The following AHI1 variants were observed in gnomAD, a reference collection of about 807,000 sequenced individuals.
The protein encoded by AHI1 is Abelson helper integration site 1.
In AHI1, 123 loss-of-function variants were observed where a neutral mutation model predicts 149.3. That is an observed-to-expected ratio of 0.82 (90% CI 0.71 to 0.96). The LOEUF (loss-of-function observed/expected upper bound fraction) is 0.96. AHI1 is among the 40% of genes least tolerant of loss of function. The probability of loss-of-function intolerance (pLI) is 0.00; values close to 1 mark genes in which losing one functional copy is unlikely to be tolerated. For missense variants in AHI1, 1,439 were observed against 1,422.7 expected, an observed-to-expected ratio of 1.01 and a Z score of -0.18; for synonymous variants, 475 against 459.8, an observed-to-expected ratio of 1.03 and a Z score of -0.42.
At chr6:135,433,401 A>G in intron 15 of AHI1, 145 bp from the exon 16 acceptor site, 1 of 602,212 alleles carries the variant, frequency 1.7e-6, no homozygotes, top group Non-Finnish European at 2.9e-6. Flanking sequence ...ACAATGAAAA[A>G]TATAATGATG....
At position 135,302,714 on chromosome 6, in the gene AHI1, A is replaced by G. The variant is rs960834466; in HGVS notation, c.3427-2156T>C. On this transcript the variant is annotated intron_variant, in intron 26 of 28. Coordinates refer to ENST00000265602, the MANE Select transcript of AHI1 (RefSeq NM_001134831.2). Reference sequence around the variant, plus strand: ...GACTTCCAAACACCTTTACTCACTCATTCCTTGGTCTCAGCAGCAGCACGT... The same window carrying G: ...GACTTCCAAACACCTTTACTCACTCGTTCCTTGGTCTCAGCAGCAGCACGT... 7.9e-6 allele frequency: 10 copies of G among 1,261,108 alleles called. No individual in the cohort carries two copies. In the African/African-American group the frequency reaches 1.4e-4, roughly 18 times the overall value. The allele number at this position is 1,261,108 out of a possible 1,614,324, so 78.1% of individuals were successfully genotyped here. A position where few individuals can be genotyped will look rare whatever the true frequency, so the allele number is the denominator to read the frequency against.
chr6:135,299,585 G>A (rs1783591912), intron 27 of AHI1, among the ~76,000 whole-genome samples: 1 of 152,080 alleles, frequency 6.6e-6, no homozygotes, highest in Non-Finnish European at 1.5e-5. Context: ...ATAATGTTAG[G>A]TCCAAAAGAT....
chr6:135,287,798 TA>T (rs1397612838), intron 28 of AHI1, among the ~76,000 whole-genome samples: 1 of 150,780 alleles, frequency 6.6e-6, no homozygotes, highest in Non-Finnish European at 1.5e-5. Context: ...ATAAGATTCA[TA>T]AAAATACCGG....
chr6:135,327,917 T>A (rs936694620), intron 24 of AHI1, among the ~76,000 whole-genome samples: 1 of 152,242 alleles, frequency 6.6e-6, no homozygotes, highest in Non-Finnish European at 1.5e-5. Context: ...TATCTCTTCA[T>A]CTGTTTCCTT....
At chr6:135,357,447 A>G (rs1227327275) in intron 24 of AHI1, among the ~76,000 whole-genome samples, 1 of 152,194 alleles carries the variant, frequency 6.6e-6, no homozygotes, top group African/African-American at 2.4e-5. Context: ...AATCCAAAAC[A>G]CTTCTGGTCC....
At chr6:135,435,874 A>C (rs1485602433) in intron 15 of AHI1, among the ~76,000 whole-genome samples, 1 of 152,196 alleles carries the variant, frequency 6.6e-6, no homozygotes, top group Non-Finnish European at 1.5e-5. Context: ...GGCAGACTTT[A>C]GTGCTAGTTA....
At chr6:135,389,204 G>A (rs998485581) in intron 23 of AHI1, among the ~76,000 whole-genome samples, 2 of 151,204 alleles carry the variant, frequency 1.3e-5, no homozygotes, top group African/African-American at 4.9e-5. Context: ...CCAGCTACTC[G>A]GGAGGCTGAG....
At chr6:135,306,410 T>C (rs1335770164) in intron 26 of AHI1, among the ~76,000 whole-genome samples, 3 of 152,174 alleles carry the variant, frequency 2.0e-5, no homozygotes, top group Non-Finnish European at 2.9e-5. Flanking sequence ...TCATATTATA[T>C]GGCCTCTCTT....
intron 5 of AHI1, among the ~76,000 whole-genome samples, chr6:135,470,306 C>G (rs1053105833): frequency 3.3e-5 from 5 of 152,072 alleles, no homozygotes; most frequent in Admixed American, 1.3e-4. Flanking sequence ...ATTAAAAAGT[C>G]AAGAAACAAC....
intron 23 of AHI1, among the ~76,000 whole-genome samples, chr6:135,380,813 T>C (rs1344136480): frequency 7.0e-6 from 1 of 142,222 alleles, no homozygotes; most frequent in Non-Finnish European, 1.5e-5. Flanking sequence ...TCCATTACAT[T>C]GGTATGGTAT....
At chr6:135,346,975 T>C (rs967054927) in intron 24 of AHI1, among the ~76,000 whole-genome samples, 12 of 152,328 alleles carry the variant, frequency 7.9e-5, no homozygotes, top group African/African-American at 1.7e-4. Flanking sequence ...CCACAGCTAT[T>C]AGAATTGAAG....
intron 24 of AHI1, among the ~76,000 whole-genome samples, chr6:135,346,931 G>C (rs894811851): frequency 2.0e-5 from 3 of 152,136 alleles, no homozygotes; most frequent in Non-Finnish European, 4.4e-5. Context: ...CTCACATCCA[G>C]ATTACTCTGT....
rs187245292 is a variant in AHI1, at chr6:135,429,881, C to A, written c.2492+1G>T. The A allele has an allele frequency of 6.7e-7, 1 of 1,503,306 alleles. No individual in the cohort carries two copies. Among genetic ancestry groups the A allele is most frequent in the Non-Finnish European group, 9.1e-7 (1 of 1,093,560 alleles). The allele number at this position is 1,503,306 out of a possible 1,614,324, so 93.1% of individuals were successfully genotyped here. ...TCCTGTCAACACTGAAATATACTTA[C>A]ATCCGGAGATCCATAATTCTCAAAG... On this transcript the variant is annotated splice_donor_variant, in intron 18 of 28. Coordinates refer to ENST00000265602, the MANE Select transcript of AHI1 (RefSeq NM_001134831.2). LOFTEE classifies it high-confidence loss of function.
chr6:135,475,283 CTT>C (rs1233582649), intron 5 of AHI1, among the ~76,000 whole-genome samples: 1 of 152,176 alleles, frequency 6.6e-6, no homozygotes, highest in Non-Finnish European at 1.5e-5. Context: ...CAATTTGCGT[CTT>C]CTTTCCTTGT....
Position 135,448,620 on chromosome 6 carries a change from T to C in AHI1, c.1441-145A>G, listed in dbSNP as rs1221114309. On this transcript the variant is annotated intron_variant, in intron 11 of 28. Transcript: ENST00000265602. ...GTTTTAAAAAGCAAAGAACATTAAA[T>C]AGTTAGTTAAGCACACTTCCAGATC... The C allele has an allele frequency of 4.7e-6, 3 of 640,714 alleles. No homozygotes were observed. In the African/African-American group the frequency reaches 5.5e-5, roughly 12 times the overall value. 39.7% of individuals were successfully genotyped at this position (640,714 alleles called of 1,614,324 possible).
chr6:135,339,593 A>T (rs1038471337), intron 24 of AHI1, among the ~76,000 whole-genome samples: 14 of 152,248 alleles, frequency 9.2e-5, no homozygotes, highest in Admixed American at 3.9e-4. Flanking sequence ...CAGAAGAATC[A>T]GTAAACTTGA....
At chr6:135,368,939 T>C (rs552649344) in intron 23 of AHI1, among the ~76,000 whole-genome samples, 1 of 152,374 alleles carries the variant, frequency 6.6e-6, no homozygotes, top group East Asian at 1.9e-4. Flanking sequence ...CCAGGAAACT[T>C]TGCCTTCAGT....
At chr6:135,297,800 T>A (rs1460063487) in intron 27 of AHI1, among the ~76,000 whole-genome samples, 1 of 151,932 alleles carries the variant, frequency 6.6e-6, no homozygotes, top group African/African-American at 2.4e-5. Context: ...ATAAACTACC[T>A]CCTCATAAAG....
chr6:135,433,241 T>C lies in AHI1; in HGVS notation c.2052A>G (p.Glu684=), dbSNP rs776429465. 1.9e-6 allele frequency: 3 copies of C among 1,603,892 alleles called. No individual in the cohort carries two copies. In the African/African-American group the frequency reaches 4.0e-5, roughly 21 times the overall value. ...CTCTGAAAGTATTTGTATTGTTTATTTCATTTTTCCATATCCTGGAAAAGG... is the reference window on the plus strand; with the variant it reads ...CTCTGAAAGTATTTGTATTGTTTATCTCATTTTTCCATATCCTGGAAAAGG... ...SDGTARIWKN[E]INNTNTFRVL... is the part of the protein sequence containing the mutation. Residue 684 remains glutamate, a synonymous_variant, in exon 16 of 29, where the codon GAA becomes GAG. Transcript: ENST00000265602.
Sources: allele counts gnomAD v4.1 joint callset (sites outside exome capture counted in the v4.1 genomes callset), GRCh38; gene constraint gnomAD v4.1.1; transcripts MANE v1.5; gene names NCBI Gene and HGNC (gene_info 2026-07-23, HGNC 2026-07-21).